Variants in SDHAF3 observed in about 807,000 individuals in gnomAD.
SDHAF3 encodes succinate dehydrogenase complex assembly factor 3.
Under a neutral mutation model 11.5 loss-of-function variants are expected in SDHAF3, and 18 were observed. The observed-to-expected ratio is 1.56, with a 90% CI of 1.08 to 2.32. The LOEUF is 2.32. Among genes scored for constraint, SDHAF3 ranks in the 30% most tolerant of loss-of-function variants. The probability of loss-of-function intolerance (pLI) is 0.00; values close to 1 mark genes in which losing one functional copy is unlikely to be tolerated. For missense variants in SDHAF3, 200 were observed against 154.4 expected, an observed-to-expected ratio of 1.30 and a Z score of -1.57; for synonymous variants, 72 against 59.3, an observed-to-expected ratio of 1.21 and a Z score of -0.99.
intron 1 of SDHAF3, among the ~76,000 whole-genome samples, chr7:97,124,957 C>G (rs1458989616): frequency 6.6e-6 from 1 of 152,170 alleles, no homozygotes; most frequent in Non-Finnish European, 1.5e-5. Context: ...TTGACTTCCT[C>G]TCTTCTTATT....
At chr7:97,118,756 G>C (rs899500626) in intron 1 of SDHAF3, among the ~76,000 whole-genome samples, 3 of 152,110 alleles carry the variant, frequency 2.0e-5, no homozygotes, top group African/African-American at 7.2e-5. Flanking sequence ...CTAAATAGTT[G>C]AAGGGGAGAT....
chr7:97,170,698 T>TAACA (rs1165877222), intron 1 of SDHAF3, among the ~76,000 whole-genome samples: 1 of 152,134 alleles, frequency 6.6e-6, no homozygotes, highest in Non-Finnish European at 1.5e-5. Context: ...GTGTCACAAC[T>TAACA]AACACCTTTT....
rs186873147 is a variant in SDHAF3 at position 97,132,975 on chromosome 7, G to C, written c.174+15078G>C. Among the ~76,000 whole-genome samples the C allele has an allele frequency of 1.7e-3, 259 of 152,244 alleles. 4 individuals are homozygous for C. Among genetic ancestry groups the C allele is most frequent in the Admixed American group, 0.016 (246 of 15,288 alleles). Reference sequence around the variant, plus strand: ...ACATTGAAATATAAATAAGAATACTGATTTATTTTTTCTGCTGCTAGGGGA... The same window carrying C: ...ACATTGAAATATAAATAAGAATACTCATTTATTTTTTCTGCTGCTAGGGGA... On this transcript the variant is annotated intron_variant, in intron 1 of 1. Coordinates refer to ENST00000432641, the MANE Select transcript of SDHAF3 (RefSeq NM_020186.3).
chr7:97,129,959 G>C (rs2115633192), intron 1 of SDHAF3, among the ~76,000 whole-genome samples: 1 of 152,278 alleles, frequency 6.6e-6, no homozygotes, highest in Non-Finnish European at 1.5e-5. Flanking sequence ...TTCGTGCGAG[G>C]CTGTGGCTGG....
At chr7:97,145,457 T>C (rs1265214977) in intron 1 of SDHAF3, among the ~76,000 whole-genome samples, 2 of 152,206 alleles carry the variant, frequency 1.3e-5, no homozygotes, top group African/African-American at 4.8e-5. Context: ...TATACAATGT[T>C]AATCCATTTT....
At chr7:97,130,363 A>G (rs1232526456) in intron 1 of SDHAF3, among the ~76,000 whole-genome samples, 2 of 152,122 alleles carry the variant, frequency 1.3e-5, no homozygotes, top group Non-Finnish European at 2.9e-5. Context: ...CAATGAGTAA[A>G]CAAGACAGCT....
intron 1 of SDHAF3, among the ~76,000 whole-genome samples, chr7:97,173,464 C>T (rs1156795583): frequency 1.3e-5 from 2 of 151,756 alleles, no homozygotes; most frequent in Non-Finnish European, 2.9e-5. Flanking sequence ...TTTTAAATCA[C>T]AAACATAAAA....
intron 1 of SDHAF3, among the ~76,000 whole-genome samples, chr7:97,122,146 G>A (rs551054339): frequency 1.3e-5 from 2 of 152,218 alleles, no homozygotes; most frequent in African/African-American, 2.4e-5. Context: ...GTGAGCCACC[G>A]CGCCCGGCCG....
chr7:97,163,574 C>T (rs1789449580), intron 1 of SDHAF3, among the ~76,000 whole-genome samples: 1 of 152,192 alleles, frequency 6.6e-6, no homozygotes. Flanking sequence ...TTCCTGAATA[C>T]AGCACATTGA....
intron 1 of SDHAF3, among the ~76,000 whole-genome samples, chr7:97,152,599 TTTATGGCCTC>T (rs1789242082): frequency 1.3e-5 from 2 of 152,142 alleles, no homozygotes; most frequent in Non-Finnish European, 2.9e-5. Context: ...GGTTAGGAAG[TTTATGGCCTC>T]TGACTGCGTG....
intron 1 of SDHAF3, among the ~76,000 whole-genome samples, chr7:97,135,990 T>G (rs1276970375): frequency 6.6e-6 from 1 of 151,898 alleles, no homozygotes; most frequent in Admixed American, 6.6e-5. Flanking sequence ...CCCGGGCTAG[T>G]CCCTGTATAT....
chr7:97,121,708 A>G (rs952816644), intron 1 of SDHAF3, among the ~76,000 whole-genome samples: 33 of 152,086 alleles, frequency 2.2e-4, no homozygotes, highest in African/African-American at 6.8e-4. Context: ...GGAGTAATGG[A>G]GGAAGTTGAA....
At chr7:97,151,791 G>A (rs567027227) in intron 1 of SDHAF3, among the ~76,000 whole-genome samples, 1 of 151,974 alleles carries the variant, frequency 6.6e-6, no homozygotes, top group Non-Finnish European at 1.5e-5. Context: ...GAGCCACCAC[G>A]CTCGGCCAAC....
intron 1 of SDHAF3, among the ~76,000 whole-genome samples, chr7:97,155,645 G>A (rs1044957705): frequency 1.3e-5 from 2 of 152,132 alleles, no homozygotes; most frequent in Non-Finnish European, 2.9e-5. Flanking sequence ...CTTTAAATCA[G>A]AAATTGTGAG....
intron 1 of SDHAF3, among the ~76,000 whole-genome samples, chr7:97,167,310 A>C (rs1211881248): frequency 1.3e-5 from 2 of 152,188 alleles, no homozygotes; most frequent in Non-Finnish European, 2.9e-5. Context: ...TATGTGAAAA[A>C]GGTGCTCGCT....
chr7:97,169,669 C>T (rs922683126), intron 1 of SDHAF3, among the ~76,000 whole-genome samples: 1 of 151,696 alleles, frequency 6.6e-6, no homozygotes, highest in African/African-American at 2.4e-5. Flanking sequence ...TACAGATGAA[C>T]AGGTAGTTAA....
intron 1 of SDHAF3, among the ~76,000 whole-genome samples, chr7:97,146,515 A>G (rs1039972800): frequency 4.6e-5 from 7 of 152,300 alleles, no homozygotes; most frequent in Admixed American, 3.3e-4. Context: ...TTCTTGAGAC[A>G]TATTTATGTA....
At chr7:97,134,386 G>C (rs186792568) in intron 1 of SDHAF3, among the ~76,000 whole-genome samples, 1 of 152,234 alleles carries the variant, frequency 6.6e-6, no homozygotes, top group East Asian at 1.9e-4. Context: ...CACTTTAAAA[G>C]AAAAATGCTG....
chr7:97,134,672 C>T (rs1247652755), intron 1 of SDHAF3, among the ~76,000 whole-genome samples: 1 of 152,190 alleles, frequency 6.6e-6, no homozygotes, highest in African/African-American at 2.4e-5. Flanking sequence ...GTCTTGAACT[C>T]CTGACCTCAG....
Sources: allele counts gnomAD v4.1 joint callset (sites outside exome capture counted in the v4.1 genomes callset), GRCh38; gene constraint gnomAD v4.1.1; transcripts MANE v1.5; gene names NCBI Gene and HGNC (gene_info 2026-07-23, HGNC 2026-07-21).